Variants in ACSBG2 observed in about 807,000 individuals in gnomAD.
ACSBG2 encodes the protein acyl-CoA synthetase bubblegum family member 2.
ACSBG2 carries 62 observed loss-of-function variants against 74.7 expected under a neutral mutation model. The observed-to-expected ratio is 0.83, with a 90% CI of 0.68 to 1.03. The LOEUF (loss-of-function observed/expected upper bound fraction) is 1.03, where lower values mean the gene tolerates loss of function less well. ACSBG2 is among the 50% of genes least tolerant of loss of function. ACSBG2 has a pLI of 0.00. For missense variants in ACSBG2, 730 were observed against 817.6 expected (o/e 0.89, Z 1.31); for synonymous variants, 309 against 294.1 (o/e 1.05, Z -0.52).
chr19:6,152,941 A>G (rs2089287636), intron 4 of ACSBG2, among the ~76,000 whole-genome samples: 1 of 152,192 alleles, frequency 6.6e-6, no homozygotes, highest in South Asian at 2.1e-4. Context: ...GGTTACAACT[A>G]TGCTTAAAAT....
chr19:6,149,895 C>T (rs146149333), intron 3 of ACSBG2, among the ~76,000 whole-genome samples: 3 of 141,034 alleles, frequency 2.1e-5, no homozygotes, highest in Non-Finnish European at 4.5e-5. Context: ...CCACCTACCT[C>T]GGCCTCCCAA....
chr19:6,187,498 G>C (rs1157133865), intron 12 of ACSBG2, 76 bp downstream of exon 12: 33 of 1,603,148 alleles, frequency 2.1e-5, no homozygotes, highest in Non-Finnish European at 2.5e-5. Flanking sequence ...CCAGGGTCAA[G>C]AGGATGCATC....
rs1483623986 is a variant in ACSBG2 at position 6,135,681 on chromosome 19, G to A, written c.-260G>A. 2.0e-5 allele frequency: 3 copies of A among 152,360 alleles called. No individual in the cohort carries two copies. The highest frequency in any genetic ancestry group is 7.2e-5 in the African/African-American group (3 of 41,448). The allele number at this position is 152,360 out of a possible 1,614,324, so 9.4% of individuals were successfully genotyped here. On this transcript the variant is annotated 5_prime_UTR_variant, in exon 1 of 15. Coordinates refer to ENST00000588485, the MANE Select transcript of ACSBG2 (RefSeq NM_030924.5). The stretch of plus-strand genomic sequence containing the variant: ...TCTGGAAGGTTGAATGGGGTAGAAG[G>A]CCTGTTGTGGAGGGAAACCACCCAT...
At chr19:6,143,660 C>G (rs937160347) in intron 2 of ACSBG2, among the ~76,000 whole-genome samples, 2 of 152,152 alleles carry the variant, frequency 1.3e-5, no homozygotes. Flanking sequence ...TCCACTCCCC[C>G]CTGCTTCAGG....
At chr19:6,191,488 T>C (rs1195753161) in intron 14 of ACSBG2, 1 of 152,194 alleles carries the variant, frequency 6.6e-6, no homozygotes, top group Non-Finnish European at 1.5e-5. Flanking sequence ...GCTGGCTTGG[T>C]TCCTTCTGAG....
chr19:6,175,512 G>A, intron 7 of ACSBG2: 1 of 152,194 alleles, frequency 6.6e-6, no homozygotes, highest in Non-Finnish European at 1.5e-5. Flanking sequence ...CATTTCAGCT[G>A]AGACTTAATG....
At chr19:6,178,389 A>ATTC (rs1458890659) in intron 8 of ACSBG2, among the ~76,000 whole-genome samples, 1 of 151,782 alleles carries the variant, frequency 6.6e-6, no homozygotes, top group Non-Finnish European at 1.5e-5. Flanking sequence ...TATTATTATT[A>ATTC]TTATTATTTG....
intron 5 of ACSBG2, among the ~76,000 whole-genome samples, chr19:6,160,389 CAAAAA>C (rs1007071793): frequency 1.7e-5 from 1 of 59,756 alleles, no homozygotes. Context: ...GACTCCGTCT[CAAAAA>C]AAAAAAAAAA....
chr19:6,177,090 G>A (rs1194653087), intron 7 of ACSBG2, 139 bp from the exon 8 acceptor site: 4 of 872,730 alleles, frequency 4.6e-6, no homozygotes, highest in Non-Finnish European at 5.1e-6. Context: ...GAACCCAGGA[G>A]TTTGAGGCTG....
In ACSBG2 at chr19:6,152,480, C is replaced by T. The variant is rs1452335986; in HGVS notation, c.386+685C>T. ...TAATTTTTTGTATTTTTAGTAGAGA[C>T]GGGGTTTCACCTTGTTAGCCAGGAT... On this transcript the variant is annotated intron_variant, in intron 4 of 14. Transcript: ENST00000588485. 2.1e-4 allele frequency among the ~76,000 whole-genome samples: 10 copies of T among 48,186 alleles called. 2 individuals carry two copies. The highest frequency in any genetic ancestry group is 5.5e-4 in the African/African-American group (10 of 18,184). 31.6% of individuals were successfully genotyped at this position (48,186 alleles called of 152,430 possible). A position where few individuals can be genotyped will look rare whatever the true frequency, so the allele number is the denominator to read the frequency against.
intron 4 of ACSBG2, among the ~76,000 whole-genome samples, chr19:6,153,420 T>C (rs2089302357): frequency 6.6e-6 from 1 of 152,114 alleles, no homozygotes; most frequent in Admixed American, 6.6e-5. Flanking sequence ...CAATAGAGGT[T>C]AAGTGTCTTC....
At chr19:6,178,117 G>A (rs1463250763) in intron 8 of ACSBG2, among the ~76,000 whole-genome samples, 2 of 151,880 alleles carry the variant, frequency 1.3e-5, no homozygotes, top group Non-Finnish European at 2.9e-5. Flanking sequence ...TTCTATTGTG[G>A]TGAGGATTTA....
rs758652190 is a variant in ACSBG2, at chr19:6,183,070, G to A, written c.1120G>A (p.Ala374Thr). The change falls in exon 10 of 15, where the codon GCT becomes ACT. Residue 374 changes from alanine to threonine, a missense_variant. Physicochemically the swap from Ala to Thr is moderately conservative, Grantham distance 58. Transcript: ENST00000588485. ...KYNTPVSYRM[A>T]KTLVFSKVKT... ...TAATACTCCCGTGAGCTACCGCATG[G>A]CTAAGACTCTCGTGTTCAGCAAAGT... 1.5e-5 allele frequency: 25 copies of A among 1,614,044 alleles called. No homozygotes were observed. The East Asian group carries it at 5.6e-4, about 36-fold the overall frequency.
intron 3 of ACSBG2, among the ~76,000 whole-genome samples, chr19:6,149,381 C>T (rs1271888852): frequency 3.3e-5 from 5 of 152,196 alleles, no homozygotes; most frequent in Admixed American, 6.5e-5. Context: ...GAGCCAACAA[C>T]GTTGGTTGGC....
chr19:6,185,419 C>T lies in ACSBG2; in HGVS notation c.1323-17C>T. On this transcript the variant is annotated splice_polypyrimidine_tract_variant and intron_variant, in intron 10 of 14. Coordinates refer to ENST00000588485, the MANE Select transcript of ACSBG2 (RefSeq NM_030924.5). Reference sequence around the variant, plus strand: ...TTGTCCCTATGAGCCTGTTTCTCTGCTTCTGTCCCCTGGCAGCTGTGGCAA... The same window carrying T: ...TTGTCCCTATGAGCCTGTTTCTCTGTTTCTGTCCCCTGGCAGCTGTGGCAA... 6.2e-7 allele frequency: 1 copy of T among 1,613,618 alleles called. No individual in the cohort carries two copies. Among genetic ancestry groups the T allele is most frequent in the South Asian group, 1.1e-5 (1 of 91,046 alleles).
chr19:6,142,819 T>C (rs1309279173), intron 2 of ACSBG2, among the ~76,000 whole-genome samples: 1 of 150,512 alleles, frequency 6.6e-6, no homozygotes, highest in African/African-American at 2.4e-5. Context: ...CATTGCAAAG[T>C]ACACATTCAA....
chr19:6,156,426 C>T lies in ACSBG2; in HGVS notation c.387-5C>T, dbSNP rs757183622. 1.5e-5 allele frequency: 24 copies of T among 1,589,218 alleles called. No individual in the cohort carries two copies. Among genetic ancestry groups the T allele is most frequent in the Non-Finnish European group, 2.1e-5 (24 of 1,170,268 alleles). ...TGCACACACGAATTTGTTTTCTTTT[C>T]CCAGGGGTCTTTGTGTTGGTATTTA... On this transcript the variant is annotated splice_region_variant and splice_polypyrimidine_tract_variant and intron_variant, in intron 4 of 14. Coordinates refer to ENST00000588485, the MANE Select transcript of ACSBG2 (RefSeq NM_030924.5).
chr19:6,150,652 T>C (rs1454694164), intron 3 of ACSBG2, among the ~76,000 whole-genome samples: 1 of 152,016 alleles, frequency 6.6e-6, no homozygotes, highest in South Asian at 2.1e-4. Flanking sequence ...GTTAGACTCA[T>C]AGAGACAGAA....
Position 6,181,334 on chromosome 19 carries a change from G to GAGGA in ACSBG2, c.907-1402_907-1399dup, listed in dbSNP as rs538079290. Among the ~76,000 whole-genome samples, 12 of 147,934 alleles carry GAGGA rather than the reference G, an allele frequency of 8.1e-5. No homozygotes were observed. In the South Asian group the frequency reaches 8.5e-4, roughly 11 times the overall value. On this transcript the variant is annotated intron_variant, in intron 8 of 14. Coordinates refer to ENST00000588485, the MANE Select transcript of ACSBG2 (RefSeq NM_030924.5). ...AAGAAAGGAAGGAGGGAGGAAAAAA[G>GAGGA]AGGAAGGAAGGAAGGAAGAAAGAAA... is the stretch of plus-strand genomic sequence containing the variant.
Sources: allele counts gnomAD v4.1 joint callset (sites outside exome capture counted in the v4.1 genomes callset), GRCh38; gene constraint gnomAD v4.1.1; transcripts MANE v1.5; gene names NCBI Gene and HGNC (gene_info 2026-07-23, HGNC 2026-07-21).